USP36: variants seen among roughly 807,000 people sequenced by gnomAD.
USP36 encodes ubiquitin carboxyl-terminal hydrolase 36.
USP36 carries 59 observed loss-of-function variants against 111.5 expected under a neutral mutation model. The observed-to-expected ratio is 0.53, with a 90% confidence interval of 0.43 to 0.66. USP36 has a LOEUF of 0.66. Ranked by LOEUF, USP36 falls within the 30% of genes least tolerant of loss-of-function variation. The probability of loss-of-function intolerance (pLI) is 0.00; values close to 1 mark genes in which losing one functional copy is unlikely to be tolerated. For synonymous variants in USP36, 628 were observed against 581.0 expected (o/e 1.08, Z -1.16); for missense variants, 1,488 against 1,468.0 (o/e 1.01, Z -0.22).
At chr17:78,800,899 A>G (rs2093724339) in intron 17 of USP36, among the ~76,000 whole-genome samples, 1 of 151,628 alleles carries the variant, frequency 6.6e-6, no homozygotes, top group African/African-American at 2.4e-5. Context: ...TGTCCCTTGC[A>G]CTAACAAGCC....
intron 17 of USP36, among the ~76,000 whole-genome samples, chr17:78,800,319 G>GC (rs2093709510): frequency 6.6e-6 from 1 of 152,144 alleles, no homozygotes; most frequent in Admixed American, 6.5e-5. Flanking sequence ...CTTGGCTGCT[G>GC]CCATCAGGGG....
At chr17:78,805,892 G>A (rs1217844095) in intron 15 of USP36, among the ~76,000 whole-genome samples, 1 of 152,214 alleles carries the variant, frequency 6.6e-6, no homozygotes, top group Non-Finnish European at 1.5e-5. Context: ...CCACAAGGAT[G>A]TCGCAGACAG....
chr17:78,807,500 G>A lies in USP36; in HGVS notation c.1544C>T (p.Ser515Phe), dbSNP rs200160079. 5 of 1,613,894 alleles carry A rather than the reference G, an allele frequency of 3.1e-6. No homozygotes were observed. The highest frequency in any genetic ancestry group is 4.2e-6 in the Non-Finnish European group (5 of 1,179,940). ...IPPKLPSGSP[S>F]PKLSQTPTHM... is the part of the protein sequence containing the mutation. ...TGTGGGTGTCTGGGAGAGTTTGGGGGAAGGGGACCCCGAGGGCAGCTTTGG... is the reference window on the plus strand; with the variant it reads ...TGTGGGTGTCTGGGAGAGTTTGGGGAAAGGGGACCCCGAGGGCAGCTTTGG... The change falls in exon 14 of 21, where the codon TCC becomes TTC. Residue 515 changes from serine to phenylalanine, a missense_variant. Coordinates refer to ENST00000449938, the MANE Select transcript of USP36 (RefSeq NM_001385174.1).
chr17:78,829,137 G>A (rs531296047), intron 4 of USP36, 130 bp from the exon 5 acceptor site: 35 of 691,386 alleles, frequency 5.1e-5, no homozygotes, highest in Admixed American at 1.4e-4. Context: ...GTGAGAGAAC[G>A]GCTGAGCCAG....
intron 15 of USP36, among the ~76,000 whole-genome samples, chr17:78,804,718 A>G (rs564128552): frequency 1.3e-4 from 19 of 151,446 alleles, no homozygotes; most frequent in South Asian, 1.0e-3. Context: ...GGCAAAGTTA[A>G]TAAGAATTGT....
At chr17:78,840,616 G>C (rs575976711) in intron 1 of USP36, 120 bp downstream of exon 1, 3 of 152,038 alleles carry the variant, frequency 2.0e-5, no homozygotes, top group Admixed American at 6.5e-5. Flanking sequence ...CCGCGCCCAC[G>C]TTCTCCCTGA....
intron 3 of USP36, among the ~76,000 whole-genome samples, chr17:78,835,737 T>TG (rs2068603587): frequency 6.6e-6 from 1 of 152,084 alleles, no homozygotes; most frequent in South Asian, 2.1e-4. Flanking sequence ...CCTCTATAGA[T>TG]GGAGGACACA....
At chr17:78,814,621 A>T in intron 10 of USP36, 69 bp from the exon 11 acceptor site, 1 of 1,554,630 alleles carries the variant, frequency 6.4e-7, no homozygotes, top group Non-Finnish European at 8.7e-7. Flanking sequence ...TGCCCTTTCC[A>T]TCCACAACCA....
At chr17:78,820,604 G>C (rs1156544202) in intron 8 of USP36, among the ~76,000 whole-genome samples, 1 of 152,100 alleles carries the variant, frequency 6.6e-6, no homozygotes, top group Non-Finnish European at 1.5e-5. Context: ...CCACCCTCCC[G>C]CACCCTGTAG....
intron 3 of USP36, chr17:78,787,718 T>C (rs751681966): frequency 6.6e-6 from 1 of 152,180 alleles, no homozygotes; most frequent in Non-Finnish European, 1.5e-5. Flanking sequence ...TCCATACTGT[T>C]ATGGGTTGAG....
At chr17:78,811,851 G>C (rs181589906) in intron 13 of USP36, among the ~76,000 whole-genome samples, 276 of 151,694 alleles carry the variant, frequency 1.8e-3, no homozygotes, top group Non-Finnish European at 3.3e-3. Flanking sequence ...CTGGGCGACA[G>C]AATGAGACTC....
In USP36 at chr17:78,825,517, C is replaced by G. The variant is rs115083683; in HGVS notation, c.689+1728G>C. Among the ~76,000 whole-genome samples, 461 of 152,244 alleles carry G rather than the reference C, an allele frequency of 3.0e-3. 3 individuals are homozygous for G. Among genetic ancestry groups the G allele is most frequent in the African/African-American group, 0.011 (439 of 41,522 alleles). On this transcript the variant is annotated intron_variant, in intron 6 of 20. Coordinates refer to ENST00000449938, the MANE Select transcript of USP36 (RefSeq NM_001385174.1). ...CCTGGCAATGCCTGGCCACCTGACA[C>G]CTGGCCTCCCTCCTCTTTCCAGCAA...
chr17:78,815,007 G>A (rs62075625), intron 10 of USP36, among the ~76,000 whole-genome samples: 21,317 of 151,598 alleles, frequency 0.14, 1,907 homozygotes, highest in Middle Eastern at 0.22. Flanking sequence ...GTGCAGCAAC[G>A]CTGTGCAGGA....
chr17:78,812,228 G>A (rs773490690), intron 13 of USP36, among the ~76,000 whole-genome samples: 31 of 152,086 alleles, frequency 2.0e-4, no homozygotes, highest in Non-Finnish European at 3.5e-4. Flanking sequence ...GAAATAAAAG[G>A]AGTGCACACA....
chr17:78,823,305 G>C (rs1342159303), intron 6 of USP36: 1 of 397,516 alleles, frequency 2.5e-6, no homozygotes, highest in East Asian at 3.6e-5. Flanking sequence ...GAGAACTGTG[G>C]GTAGCTGCGT....
chr17:78,832,418 T>C (rs907454630), intron 4 of USP36, among the ~76,000 whole-genome samples: 2 of 152,232 alleles, frequency 1.3e-5, no homozygotes, highest in Admixed American at 1.3e-4. Flanking sequence ...TCTCTTCATA[T>C]GTTCCAAGAT....
At chr17:78,834,900 G>A (rs1026935965) in intron 4 of USP36, among the ~76,000 whole-genome samples, 11 of 151,856 alleles carry the variant, frequency 7.2e-5, no homozygotes. Context: ...AGGATCATGT[G>A]AGCCCAGGAG....
At position 78,806,180 on chromosome 17, in the gene USP36, G is replaced by T; in HGVS notation, c.2192C>A (p.Ser731Tyr). The change falls in exon 15 of 21, where the codon TCC (serine) becomes TAC (tyrosine). Residue 731 changes from serine to tyrosine, a missense_variant. Physicochemically the swap from Ser to Tyr is moderately radical, Grantham distance 144 (BLOSUM62 -2). Transcript: ENST00000449938. ...CCTGGCTCTATGGACGGGCCAAGTGGAGGCAACGACGGGGTGAGAGGTTTT... is the reference window on the plus strand; with the variant it reads ...CCTGGCTCTATGGACGGGCCAAGTGTAGGCAACGACGGGGTGAGAGGTTTT... The part of the protein sequence containing the change: ...PMKTSHPVVA[S>Y]TWPVHRARAV... 6.2e-7 allele frequency: 1 copy of T among 1,613,588 alleles called. No homozygotes were observed. Among genetic ancestry groups the T allele is most frequent in the Non-Finnish European group, 8.5e-7 (1 of 1,179,930 alleles).
chr17:78,812,399 A>C lies in USP36; in HGVS notation c.1407+461T>G, dbSNP rs2094082100. Among the ~76,000 whole-genome samples, 4 of 151,966 alleles carry C rather than the reference A, an allele frequency of 2.6e-5. No individual in the cohort carries two copies. The South Asian group carries it at 8.3e-4, about 32-fold the overall frequency. On this transcript the variant is annotated intron_variant, in intron 13 of 20. Transcript: ENST00000449938. ...ATGTCAGCTGATGACCAGTTTAAGA[A>C]ATAACATTGGCCGGGCGCGGTGGCT...
Sources: gnomAD v4.1 joint callset for allele counts (sites outside exome capture counted in the v4.1 genomes callset) on GRCh38, gnomAD v4.1.1 for gene constraint, MANE v1.5 for transcripts, NCBI Gene and HGNC (gene_info 2026-07-23, HGNC 2026-07-21) for gene names.